The following PRKCE variants were observed in gnomAD, a reference collection of about 807,000 sequenced individuals.
PRKCE encodes protein kinase C epsilon, also known as protein kinase C epsilon type.
A neutral mutation model predicts 85.4 loss-of-function variants in PRKCE; 16 were observed. The ratio of observed to expected loss-of-function variants is 0.19; its 90% CI spans 0.13 to 0.28. The LOEUF is 0.28. Ranked by LOEUF, PRKCE falls within the 10% of genes least tolerant of loss-of-function variation. The pLI is 1.00. For missense variants in PRKCE, 573 were observed against 975.2 expected (o/e 0.59, Z 5.49); for synonymous variants, 388 against 371.5 (o/e 1.04, Z -0.51).
At chr2:45,754,587 T>G (rs1370017167) in intron 1 of PRKCE, among the ~76,000 whole-genome samples, 1 of 152,190 alleles carries the variant, frequency 6.6e-6, no homozygotes, top group Non-Finnish European at 1.5e-5. Flanking sequence ...GGTGGCCTGG[T>G]TTCATGCCAG....
chr2:45,920,650 A>T (rs1356065084), intron 2 of PRKCE, among the ~76,000 whole-genome samples: 2 of 152,190 alleles, frequency 1.3e-5, no homozygotes, highest in African/African-American at 4.8e-5. Context: ...ATATTGTATG[A>T]TTGCACTCAT....
intron 2 of PRKCE, among the ~76,000 whole-genome samples, chr2:45,891,076 T>C (rs533019207): frequency 6.6e-6 from 1 of 152,288 alleles, no homozygotes; most frequent in Admixed American, 6.5e-5. Flanking sequence ...GGGTTGGGTT[T>C]GATATTGTGG....
intron 1 of PRKCE, among the ~76,000 whole-genome samples, chr2:45,709,422 G>A (rs1018042087): frequency 3.9e-5 from 6 of 152,248 alleles, no homozygotes; most frequent in African/African-American, 4.8e-5. Context: ...TTTGACCTTG[G>A]ACAAGGCCCT....
intron 11 of PRKCE, among the ~76,000 whole-genome samples, chr2:46,092,085 A>G (rs1670217250): frequency 6.6e-6 from 1 of 152,232 alleles, no homozygotes; most frequent in Admixed American, 6.5e-5. Context: ...AGCAACTTAC[A>G]AAACCTCTTT....
intron 1 of PRKCE, among the ~76,000 whole-genome samples, chr2:45,752,868 T>C (rs1386161139): frequency 2.0e-5 from 3 of 152,014 alleles, no homozygotes; most frequent in Admixed American, 6.6e-5. Context: ...CTTATATAAG[T>C]TTTTTACGAC....
chr2:45,756,104 G>A (rs1160320497), intron 1 of PRKCE, among the ~76,000 whole-genome samples: 1 of 152,218 alleles, frequency 6.6e-6, no homozygotes, highest in Non-Finnish European at 1.5e-5. Flanking sequence ...GCAGGGAAGA[G>A]TGGCTACAGA....
chr2:46,093,262 G>A (rs1046444187), intron 11 of PRKCE, among the ~76,000 whole-genome samples: 18 of 152,200 alleles, frequency 1.2e-4, no homozygotes, highest in Admixed American at 7.9e-4. Context: ...TTTTATAGGT[G>A]CAGAACTTGG....
At chr2:45,716,668 AAAGAAG>A (rs147246415) in intron 1 of PRKCE, among the ~76,000 whole-genome samples, 22 of 141,186 alleles carry the variant, frequency 1.6e-4, no homozygotes, top group Non-Finnish European at 2.9e-4. Flanking sequence ...AGGAGAAGAA[AAAGAAG>A]AAGAAGAAGA....
chr2:45,859,080 A>G (rs1477937291), intron 2 of PRKCE, among the ~76,000 whole-genome samples: 1 of 146,394 alleles, frequency 6.8e-6, no homozygotes, highest in East Asian at 2.0e-4. Flanking sequence ...AAATAAATAA[A>G]TAAATAAATA....
chr2:46,123,214 CTTTTTTT>C (rs70937991), intron 11 of PRKCE, among the ~76,000 whole-genome samples: 47 of 27,374 alleles, frequency 1.7e-3, no homozygotes, highest in East Asian at 6.1e-3. Context: ...AAACACTTGC[CTTTTTTT>C]TTTTTTTTTT....
chr2:45,677,320 GTTTTTTTTTTGT>G (rs1462339155), intron 1 of PRKCE, among the ~76,000 whole-genome samples: 1 of 126,330 alleles, frequency 7.9e-6, no homozygotes, highest in South Asian at 2.8e-4. Flanking sequence ...GCCAGTGAAG[GTTTTTTTTTTGT>G]TTTTTTTTTT....
intron 12 of PRKCE, among the ~76,000 whole-genome samples, chr2:46,148,490 C>A (rs1032117731): frequency 1.3e-5 from 2 of 152,226 alleles, no homozygotes; most frequent in African/African-American, 4.8e-5. Context: ...CTCCCCACCC[C>A]CTGAAGGCAC....
rs1020565707 is a variant in PRKCE, at chr2:46,185,039, C to G, written c.*158C>G. 5 of 966,262 alleles carry G rather than the reference C, an allele frequency of 5.2e-6. No individual in the cohort carries two copies. In the African/African-American group the frequency reaches 8.2e-5, roughly 16 times the overall value. The allele number at this position is 966,262 out of a possible 1,614,324, so 59.9% of individuals were successfully genotyped here. ...ATTGCATTCCCTTGCCCCAGGCCAC[C>G]TCCTCCCCCTCCCACCTGGTGACCA... On this transcript the variant is annotated 3_prime_UTR_variant, in exon 15 of 15. Coordinates refer to ENST00000306156, the MANE Select transcript of PRKCE (RefSeq NM_005400.3). This position sits in a 1 kb window ranked among gnomAD's most constrained non-coding sequence, Gnocchi z 4.7.
chr2:45,957,866 T>A (rs1479708505), intron 2 of PRKCE, among the ~76,000 whole-genome samples: 1 of 151,564 alleles, frequency 6.6e-6, no homozygotes, highest in Non-Finnish European at 1.5e-5. Flanking sequence ...GAGCTGTGAT[T>A]ATGCCACTGC....
At chr2:45,695,403 T>A (rs1027976096) in intron 1 of PRKCE, among the ~76,000 whole-genome samples, 3 of 152,204 alleles carry the variant, frequency 2.0e-5, no homozygotes, top group South Asian at 2.1e-4. Context: ...ATGTGTTAGA[T>A]AAATGTACCA....
chr2:45,833,361 C>G (rs1573538086), intron 1 of PRKCE, among the ~76,000 whole-genome samples: 1 of 152,188 alleles, frequency 6.6e-6, no homozygotes, highest in Non-Finnish European at 1.5e-5. Context: ...GAATACCTAT[C>G]TCAATCCCAG....
chr2:45,779,415 G>A (rs935687250), intron 1 of PRKCE, among the ~76,000 whole-genome samples: 1 of 152,086 alleles, frequency 6.6e-6, no homozygotes, highest in Non-Finnish European at 1.5e-5. Context: ...GTCCGGGGGC[G>A]AGGAAAGACT....
At chr2:45,753,344 G>A (rs562784334) in intron 1 of PRKCE, among the ~76,000 whole-genome samples, 41 of 152,300 alleles carry the variant, frequency 2.7e-4, no homozygotes, top group African/African-American at 9.6e-4. Context: ...GCCACACTTC[G>A]ACAACCACTG....
At chr2:45,994,641 A>G (rs543432998) in intron 6 of PRKCE, among the ~76,000 whole-genome samples, 1 of 152,316 alleles carries the variant, frequency 6.6e-6, no homozygotes, top group East Asian at 1.9e-4. Flanking sequence ...TTAAGGCTGG[A>G]TAATATTTCA....
Sources: gnomAD v4.1 joint callset for allele counts (sites outside exome capture counted in the v4.1 genomes callset) on GRCh38, gnomAD v4.1.1 for gene constraint, Gnocchi (gnomAD v3.1) non-coding constraint, MANE v1.5 for transcripts, NCBI Gene and HGNC (gene_info 2026-07-23, HGNC 2026-07-21) for gene names.